The following SEMA5A variants were observed in gnomAD, a reference collection of about 807,000 sequenced individuals.
SEMA5A encodes semaphorin-5A.
In SEMA5A, 55 loss-of-function variants were observed where a neutral mutation model predicts 135.5. The observed-to-expected ratio is 0.41, with a 90% CI of 0.33 to 0.51. SEMA5A has a LOEUF of 0.51. SEMA5A is among the 20% of genes least tolerant of loss of function. The pLI, the probability that SEMA5A is intolerant of heterozygous loss-of-function variation, is 0.37. For synonymous variants in SEMA5A, 580 were observed against 546.5 expected (o/e 1.06, Z -0.85); for missense variants, 1,290 against 1,419.9 (o/e 0.91, Z 1.47).
chr5:9,352,320 T>C (rs1298909691), intron 3 of SEMA5A, among the ~76,000 whole-genome samples: 1 of 152,124 alleles, frequency 6.6e-6, no homozygotes, highest in East Asian at 1.9e-4. Flanking sequence ...TTTTATTTTT[T>C]AATTTGTATC....
intron 1 of SEMA5A, among the ~76,000 whole-genome samples, chr5:9,496,691 C>T (rs1179296420): frequency 2.0e-5 from 3 of 152,110 alleles, no homozygotes; most frequent in Non-Finnish European, 2.9e-5. Context: ...TCTGTCTGCT[C>T]GGTCACCAGC....
chr5:9,375,637 C>G (rs1755334232), intron 3 of SEMA5A, among the ~76,000 whole-genome samples: 1 of 149,088 alleles, frequency 6.7e-6, no homozygotes, highest in South Asian at 2.2e-4. Context: ...CAGCCCTAAG[C>G]AGCTAATACA....
intron 5 of SEMA5A, among the ~76,000 whole-genome samples, chr5:9,275,675 C>G (rs1750222883): frequency 6.6e-6 from 1 of 152,146 alleles, no homozygotes; most frequent in Admixed American, 6.5e-5. Flanking sequence ...CAGTCTGGTT[C>G]AACATACACA....
chr5:9,429,821 G>A (rs1381269780), intron 2 of SEMA5A, among the ~76,000 whole-genome samples: 1 of 152,204 alleles, frequency 6.6e-6, no homozygotes, highest in East Asian at 1.9e-4. Flanking sequence ...ATAGAGAAGA[G>A]AGAGGATGAG....
chr5:9,123,457 G>A (rs2150188117), intron 13 of SEMA5A, among the ~76,000 whole-genome samples: 1 of 151,180 alleles, frequency 6.6e-6, no homozygotes, highest in South Asian at 2.1e-4. Context: ...AGGAAAGGAA[G>A]GAGAAGAAAA....
rs1579374180 is a variant in SEMA5A at position 9,340,418 on chromosome 5, G to A, written c.125-2606C>T. 3.3e-5 allele frequency among the ~76,000 whole-genome samples: 5 copies of A among 152,196 alleles called. No individual in the cohort carries two copies. In the South Asian group the frequency reaches 1.0e-3, roughly 31 times the overall value. On this transcript the variant is annotated intron_variant, in intron 3 of 22. Coordinates refer to ENST00000382496, the MANE Select transcript of SEMA5A (RefSeq NM_003966.3). ...AGAGGAAAAAAGACTACGAAAGATAGAAGAAAATCAGGTTACTCTTTTCCC... is the reference window on the plus strand; with the variant it reads ...AGAGGAAAAAAGACTACGAAAGATAAAAGAAAATCAGGTTACTCTTTTCCC...
intron 5 of SEMA5A, among the ~76,000 whole-genome samples, chr5:9,275,365 G>A (rs191013079): frequency 5.3e-5 from 8 of 152,048 alleles, no homozygotes; most frequent in African/African-American, 1.4e-4. Context: ...AAAAAAGTCC[G>A]GGACCAGATG....
At chr5:9,117,451 G>T (rs544820478) in intron 15 of SEMA5A, among the ~76,000 whole-genome samples, 2 of 152,124 alleles carry the variant, frequency 1.3e-5, no homozygotes, top group Non-Finnish European at 2.9e-5. Flanking sequence ...TGGAATATTG[G>T]TGTATATATA....
rs1272914856 is a variant in SEMA5A, at chr5:9,489,878, G to A, written c.-174-52026C>T. On this transcript the variant is annotated intron_variant, in intron 1 of 22. Coordinates refer to ENST00000382496, the MANE Select transcript of SEMA5A (RefSeq NM_003966.3). ...AATTTCTAATCTTTGGCTATGTGAT[G>A]TCAAACTTTCTTTGCTACTAAATGA... Among the ~76,000 whole-genome samples, 3 of 152,252 alleles carry A rather than the reference G, an allele frequency of 2.0e-5. No individual in the cohort carries two copies. The East Asian group carries it at 5.8e-4, about 29-fold the overall frequency.
chr5:9,235,011 G>A, intron 6 of SEMA5A, among the ~76,000 whole-genome samples: 1 of 152,116 alleles, frequency 6.6e-6, no homozygotes, highest in East Asian at 1.9e-4. Context: ...GGCAAAACGT[G>A]GGCTAGTTCT....
intron 10 of SEMA5A, among the ~76,000 whole-genome samples, chr5:9,191,734 C>A (rs1285743622): frequency 1.3e-5 from 2 of 152,256 alleles, no homozygotes; most frequent in African/African-American, 4.8e-5. Flanking sequence ...TTTCATGCAT[C>A]CAGTCCAAGG....
At chr5:9,500,869 C>T (rs1374990564) in intron 1 of SEMA5A, among the ~76,000 whole-genome samples, 1 of 152,160 alleles carries the variant, frequency 6.6e-6, no homozygotes, top group African/African-American at 2.4e-5. Flanking sequence ...CCCTGCCTTC[C>T]TGGAGCTTGC....
chr5:9,224,561 T>C, intron 8 of SEMA5A, 113 bp downstream of exon 8: 1 of 907,182 alleles, frequency 1.1e-6, no homozygotes, highest in Non-Finnish European at 1.7e-6. Flanking sequence ...TTGATTTCTT[T>C]AGAAGATGAA....
At chr5:9,244,407 A>G (rs148245745) in intron 5 of SEMA5A, among the ~76,000 whole-genome samples, 34 of 152,232 alleles carry the variant, frequency 2.2e-4, no homozygotes, top group African/African-American at 7.9e-4. Flanking sequence ...CACATTCCCT[A>G]TGGCCTGTGG....
At position 9,190,421 on chromosome 5, in the gene SEMA5A, C is replaced by A. The variant is rs775085880; in HGVS notation, c.1119G>T (p.Leu373=). 2.4e-5 allele frequency: 39 copies of A among 1,613,974 alleles called. No individual in the cohort carries two copies. In the East Asian group the frequency reaches 6.7e-4, roughly 28 times the overall value. ...GLYVNLTERN[L]QDAQKFILMH... is the part of the protein sequence containing the mutation. ...TCAGAATGAACTTCTGAGCATCCTG[C>A]AGATTTCTCTCGGTCAGGTTCACGT... The change falls in exon 11 of 23, where the codon CTG becomes CTT. Residue 373 remains leucine (L), a synonymous_variant. Coordinates refer to ENST00000382496, the MANE Select transcript of SEMA5A (RefSeq NM_003966.3).
At chr5:9,248,844 G>T (rs574576966) in intron 5 of SEMA5A, among the ~76,000 whole-genome samples, 1 of 152,232 alleles carries the variant, frequency 6.6e-6, no homozygotes, top group South Asian at 2.1e-4. Flanking sequence ...TGGCCCGGGG[G>T]ACCCCTTTAT....
chr5:9,481,605 C>A (rs1053543289), intron 1 of SEMA5A, among the ~76,000 whole-genome samples: 1 of 152,156 alleles, frequency 6.6e-6, no homozygotes, highest in South Asian at 2.1e-4. Context: ...TATTTATAAC[C>A]TTAGCACTTC....
intron 1 of SEMA5A, among the ~76,000 whole-genome samples, chr5:9,479,103 C>T (rs1463854100): frequency 6.6e-6 from 1 of 152,216 alleles, no homozygotes; most frequent in Non-Finnish European, 1.5e-5. Context: ...CTCACTTCCC[C>T]TTCACCTTCC....
intron 3 of SEMA5A, among the ~76,000 whole-genome samples, chr5:9,376,147 C>A (rs61708249): frequency 0.011 from 1,637 of 152,212 alleles, 38 homozygotes; most frequent in African/African-American, 0.036. Context: ...AATGGGCTGT[C>A]CCTGCCGGCA....
Sources: gnomAD v4.1 joint callset for allele counts (sites outside exome capture counted in the v4.1 genomes callset) on GRCh38, gnomAD v4.1.1 for gene constraint, MANE v1.5 for transcripts, NCBI Gene and HGNC (gene_info 2026-07-23, HGNC 2026-07-21) for gene names.